Variants in FYCO1 observed in about 807,000 individuals in gnomAD.
The protein encoded by FYCO1 is FYVE and coiled-coil domain-containing protein 1.
Under a neutral mutation model 165.1 loss-of-function variants are expected in FYCO1, and 122 were observed. The observed-to-expected ratio is 0.74, with a 90% CI of 0.64 to 0.86. The LOEUF (loss-of-function observed/expected upper bound fraction) is 0.86, where lower values mean the gene tolerates loss of function less well. FYCO1 is among the 40% of genes least tolerant of loss of function. The pLI is 0.00. For missense variants in FYCO1, 1,702 were observed against 1,810.3 expected (o/e 0.94, Z 1.09); for synonymous variants, 648 against 742.5 (o/e 0.87, Z 2.07).
chr3:45,965,978 T>C (rs559296131), intron 8 of FYCO1, among the ~76,000 whole-genome samples: 1 of 152,376 alleles, frequency 6.6e-6, no homozygotes, highest in Non-Finnish European at 1.5e-5. Flanking sequence ...CACCCTGCTC[T>C]TTCAATGTTG....
In FYCO1 at chr3:45,975,329, C is replaced by G. The variant is rs1372513508; in HGVS notation, c.305G>C (p.Gly102Ala). Residue 102 changes from glycine to alanine, a missense_variant, in exon 5 of 18, where the codon GGG becomes GCG. Gly to Ala is a moderately conservative substitution (Grantham distance 60, BLOSUM62 0). Transcript: ENST00000296137. ...KSISELRTSL[G>A]KGRAFIRYSL... is the part of the protein sequence containing the mutation. ...GTAGCGAATAAATGCTCTTCCTTTC[C>G]CCAAGGATGTTCGGAGCTGGAAAAA... 1.2e-6 allele frequency: 2 copies of G among 1,613,916 alleles called. No homozygotes were observed. Among genetic ancestry groups the G allele is most frequent in the South Asian group, 2.2e-5 (2 of 91,080 alleles).
At chr3:45,984,806 G>C in intron 2 of FYCO1, 50 bp downstream of exon 2, 2 of 1,597,632 alleles carry the variant, frequency 1.3e-6, no homozygotes, top group African/African-American at 2.7e-5. Context: ...AAAAAGCCCT[G>C]CCACAAGTCC....
At chr3:45,929,163 C>T (rs1236482592) in intron 16 of FYCO1, among the ~76,000 whole-genome samples, 1 of 152,250 alleles carries the variant, frequency 6.6e-6, no homozygotes, top group African/African-American at 2.4e-5. Flanking sequence ...CAGCCACCCC[C>T]ATCTGTGGTT....
intron 17 of FYCO1, among the ~76,000 whole-genome samples, 180 bp from the exon 18 acceptor site, chr3:45,922,020 T>G (rs901190636): frequency 6.6e-6 from 1 of 152,190 alleles, no homozygotes; most frequent in South Asian, 2.1e-4. Flanking sequence ...GTCAGAGGGT[T>G]TCGGGACATC....
intron 14 of FYCO1, chr3:45,947,222 C>A (rs1263765731): frequency 6.2e-7 from 1 of 1,614,100 alleles, no homozygotes; most frequent in Non-Finnish European, 8.5e-7. Context: ...AGATGCCCTT[C>A]AACCTCATGA....
intron 6 of FYCO1, among the ~76,000 whole-genome samples, chr3:45,972,665 A>C (rs570794257): frequency 5.5e-4 from 83 of 152,274 alleles, no homozygotes; most frequent in Admixed American, 9.8e-4. Context: ...AAAAAAGAAG[A>C]AACAAAAATG....
chr3:45,959,931 C>A (rs1049156535), intron 11 of FYCO1, among the ~76,000 whole-genome samples: 11 of 152,218 alleles, frequency 7.2e-5, no homozygotes, highest in African/African-American at 2.2e-4. Context: ...GTACTTCCCA[C>A]CTGAATCTTA....
Position 45,980,022 on chromosome 3 carries a change from G to A in FYCO1, c.163-192C>T, listed in dbSNP as rs79960372. ...TCATACAGCTGGGTGGAAAACCACC[G>A]AAGGTGTTATTAACGGATGAGAAAG... On this transcript the variant is annotated intron_variant, in intron 3 of 17. Transcript: ENST00000296137. Among the ~76,000 whole-genome samples, 9 of 152,294 alleles carry A rather than the reference G, an allele frequency of 5.9e-5. No homozygotes were observed. The East Asian group carries it at 1.7e-3, about 29-fold the overall frequency.
At chr3:45,985,146 C>T in intron 1 of FYCO1, 124 bp from the exon 2 acceptor site, 1 of 622,758 alleles carries the variant, frequency 1.6e-6, no homozygotes, top group Non-Finnish European at 2.9e-6. Flanking sequence ...AACAGGAGGG[C>T]TTGACCTTTC....
Position 45,981,644 on chromosome 3 carries a change from C to T in FYCO1, c.88G>A (p.Glu30Lys). 1 of 1,614,018 alleles carries T rather than the reference C, an allele frequency of 6.2e-7. No individual in the cohort carries two copies. The highest frequency in any genetic ancestry group is 1.3e-5 in the African/African-American group (1 of 75,046). The stretch of plus-strand genomic sequence containing the variant: ...TCATCCGTGATGGGTTCCCCTGCTT[C>T]CTGAAATTCTTTGCTTAGTTCTGTC... ...AVTELSKEFQ[E>K]AGEPITDDST... Residue 30 changes from glutamate (E) to lysine (K), a missense_variant, in exon 3 of 18, where the codon GAA (glutamate) becomes AAA (lysine). Physicochemically the swap from Glu to Lys is moderately conservative, Grantham distance 56. Transcript: ENST00000296137.
intron 5 of FYCO1, 98 bp from the exon 6 acceptor site, chr3:45,973,329 G>A (rs1399368064): frequency 8.2e-7 from 1 of 1,224,512 alleles, no homozygotes; most frequent in Admixed American, 1.8e-5. Flanking sequence ...TCCAACTCAG[G>A]TTACTAAATT....
chr3:45,958,979 C>T (rs745316275), intron 12 of FYCO1, among the ~76,000 whole-genome samples: 7 of 152,196 alleles, frequency 4.6e-5, no homozygotes, highest in Admixed American at 3.9e-4. Flanking sequence ...CAGCCCAGCC[C>T]GAGATTCATC....
At chr3:45,927,166 G>GT (rs200567240) in intron 16 of FYCO1, among the ~76,000 whole-genome samples, 1 of 152,074 alleles carries the variant, frequency 6.6e-6, no homozygotes, top group East Asian at 1.9e-4. Context: ...TTTTGTCTTT[G>GT]TTTTTAGCTC....
At position 45,920,314 on chromosome 3, in the gene FYCO1, G is replaced by C. The variant is rs1170993956; in HGVS notation, c.*1451C>G. On this transcript the variant is annotated 3_prime_UTR_variant, in exon 18 of 18. Coordinates refer to ENST00000296137, the MANE Select transcript of FYCO1 (RefSeq NM_024513.4). ...GACAAAGAGAAACTTTGGGAAATGT[G>C]TGACTGGACTTAGGTCACAAGGGTA... 1 of 152,210 alleles carries C rather than the reference G, an allele frequency of 6.6e-6. No individual in the cohort carries two copies. The highest frequency in any genetic ancestry group is 1.5e-5 in the Non-Finnish European group (1 of 68,082). The allele number at this position is 152,210 out of a possible 1,614,324, so 9.4% of individuals were successfully genotyped here.
intron 15 of FYCO1, 93 bp downstream of exon 15, chr3:45,936,355 C>T: frequency 1.2e-6 from 1 of 810,174 alleles, no homozygotes; most frequent in Non-Finnish European, 2.2e-6. Flanking sequence ...TAAGTTAGAG[C>T]CCCCGAGGTG....
intron 3 of FYCO1, among the ~76,000 whole-genome samples, chr3:45,980,529 T>C (rs966980524): frequency 6.6e-6 from 1 of 152,188 alleles, no homozygotes; most frequent in Non-Finnish European, 1.5e-5. Context: ...CTGAGTCATT[T>C]CAAACCCAAA....
chr3:45,942,083 T>A (rs2125814431), intron 14 of FYCO1, among the ~76,000 whole-genome samples: 1 of 152,266 alleles, frequency 6.6e-6, no homozygotes, highest in South Asian at 2.1e-4. Flanking sequence ...TTGTACCAGT[T>A]TGGTAGAAAG....
At chr3:45,953,140 A>G (rs1705123834) in intron 14 of FYCO1, among the ~76,000 whole-genome samples, 1 of 152,216 alleles carries the variant, frequency 6.6e-6, no homozygotes, top group South Asian at 2.1e-4. Context: ...GATACATGTA[A>G]GCCCGAAGTC....
rs542871025 is a variant in FYCO1, at chr3:45,987,642, T to A, written c.-112-2620A>T. 6.6e-4 allele frequency among the ~76,000 whole-genome samples: 100 copies of A among 152,328 alleles called. 1 individual carries two copies. Among genetic ancestry groups the A allele is most frequent in the South Asian group, 4.8e-3 (23 of 4,832 alleles). On this transcript the variant is annotated intron_variant, in intron 1 of 17. Coordinates refer to ENST00000296137, the MANE Select transcript of FYCO1 (RefSeq NM_024513.4). ...AGTTTGCAGTCTCTGAGAGAAATAA[T>A]CCTGGAGAAAGACGACTGGAGTGAT...
Sources: gnomAD v4.1 joint callset for allele counts (sites outside exome capture counted in the v4.1 genomes callset) on GRCh38, gnomAD v4.1.1 for gene constraint, MANE v1.5 for transcripts, NCBI Gene and HGNC (gene_info 2026-07-23, HGNC 2026-07-21) for gene names.